The following DZIP1 variants were observed in gnomAD, a reference collection of about 807,000 sequenced individuals.
The protein encoded by DZIP1 is DAZ interacting zinc finger protein 1.
DZIP1 carries 97 observed loss-of-function variants against 107.6 expected under a neutral mutation model. That is an observed-to-expected ratio of 0.90 (90% CI 0.77 to 1.07). The LOEUF (loss-of-function observed/expected upper bound fraction) is 1.07. Ranked by LOEUF, DZIP1 falls within the 50% of genes least tolerant of loss-of-function variation. The probability of loss-of-function intolerance (pLI) is 0.00; values close to 1 mark genes in which losing one functional copy is unlikely to be tolerated. For synonymous variants in DZIP1, 390 were observed against 386.4 expected (o/e 1.01, Z -0.11); for missense variants, 1,035 against 1,063.6 (o/e 0.97, Z 0.37).
intron 14 of DZIP1, among the ~76,000 whole-genome samples, chr13:95,604,170 C>A (rs2044704780): frequency 6.6e-6 from 1 of 152,360 alleles, no homozygotes; most frequent in South Asian, 2.1e-4. Flanking sequence ...CACCTCCCAC[C>A]TGTAAACTTC....
At chr13:95,639,643 CT>C (rs1431681436) in intron 5 of DZIP1, among the ~76,000 whole-genome samples, 2 of 147,272 alleles carry the variant, frequency 1.4e-5, no homozygotes, top group Admixed American at 1.4e-4. Flanking sequence ...AGAAAATCTT[CT>C]CTTATAACAG....
At chr13:95,608,850 C>T (rs957372476) in intron 13 of DZIP1, among the ~76,000 whole-genome samples, 2 of 152,238 alleles carry the variant, frequency 1.3e-5, no homozygotes, top group African/African-American at 4.8e-5. Context: ...AGCCCATACT[C>T]CTCTCACAGT....
chr13:95,622,387 A>T lies in DZIP1; in HGVS notation c.1066T>A (p.Tyr356Asn). The part of the protein sequence containing the change: ...AHEFKEDRSP[Y>N]PQDFHNVMQL... ...ATGACATTATGGAAATCCTGGGGATATGGAGAACGGTCTTCTTTAAACTCG... is the reference window on the plus strand; with the variant it reads ...ATGACATTATGGAAATCCTGGGGATTTGGAGAACGGTCTTCTTTAAACTCG... The change falls in exon 9 of 23, where the codon TAT (tyrosine) becomes AAT (asparagine). Residue 356 changes from tyrosine (Y) to asparagine (N), a missense_variant. Transcript: ENST00000376829. 1 of 1,614,216 alleles carries T rather than the reference A, an allele frequency of 6.2e-7. No individual in the cohort carries two copies. The highest frequency in any genetic ancestry group is 8.5e-7 in the Non-Finnish European group (1 of 1,180,032).
chr13:95,588,300 A>G (rs1235302924), intron 19 of DZIP1, among the ~76,000 whole-genome samples: 1 of 152,242 alleles, frequency 6.6e-6, no homozygotes, highest in Non-Finnish European at 1.5e-5. Flanking sequence ...ATCCCAAGAA[A>G]TAATGCTCTT....
intron 7 of DZIP1, among the ~76,000 whole-genome samples, chr13:95,627,107 G>A (rs1876632761): frequency 6.6e-6 from 1 of 152,150 alleles, no homozygotes; most frequent in South Asian, 2.1e-4. Flanking sequence ...CTATTTCAAA[G>A]CCTACTACAA....
intron 17 of DZIP1, 80 bp from the exon 18 acceptor site, chr13:95,590,012 C>A: frequency 6.7e-7 from 1 of 1,493,030 alleles, no homozygotes; most frequent in South Asian, 1.3e-5. Context: ...GTATAATACC[C>A]CCTATGCTGC....
intron 15 of DZIP1, among the ~76,000 whole-genome samples, chr13:95,594,806 TAAAAACAAAGAAACC>T (rs1238257552): frequency 6.6e-6 from 1 of 151,900 alleles, no homozygotes; most frequent in African/African-American, 2.4e-5. Flanking sequence ...AACCTATAAT[TAAAAACAAAGAAACC>T]AAAAACAATA....
chr13:95,640,075 C>T (rs1878315712), intron 5 of DZIP1, among the ~76,000 whole-genome samples: 1 of 151,738 alleles, frequency 6.6e-6, no homozygotes, highest in East Asian at 1.9e-4. Flanking sequence ...TCACTGCAAC[C>T]TCCGCCTCCT....
rs117058187 is a variant in DZIP1, at chr13:95,625,898, C to T, written c.811-969G>A. ...AACAGTTTGGGAGGCCACGGTGGAA[C>T]GATCACTTGATCTCAGGAGTTTGAG... On this transcript the variant is annotated intron_variant, in intron 7 of 22. Transcript: ENST00000376829. Among the ~76,000 whole-genome samples, 980 of 151,358 alleles carry T rather than the reference C, an allele frequency of 6.5e-3. 5 individuals are homozygous for T. Among genetic ancestry groups the T allele is most frequent in the Non-Finnish European group, 0.011 (762 of 67,854 alleles).
At chr13:95,618,397 T>G (rs1875412709) in intron 10 of DZIP1, among the ~76,000 whole-genome samples, 2 of 152,158 alleles carry the variant, frequency 1.3e-5, no homozygotes. Flanking sequence ...GTGTATTGGG[T>G]GTATGTCTGT....
chr13:95,589,808 A>G lies in DZIP1; in HGVS notation c.1968T>C (p.Val656=). 1.2e-6 allele frequency: 2 copies of G among 1,613,426 alleles called. No homozygotes were observed. The change falls in exon 18 of 23, where the codon GTT becomes GTC. Residue 656 remains valine, a synonymous_variant. Coordinates refer to ENST00000376829, the MANE Select transcript of DZIP1 (RefSeq NM_198968.4). The stretch of plus-strand genomic sequence containing the variant: ...CTGAGGGCTGAAATACTCACTTTGG[A>G]ACAGATGTCCTATCAGTAGAAACAG... ...QKAVSTDRTS[V]PKIKKNVMED... is the part of the protein sequence containing the mutation.
intron 22 of DZIP1, among the ~76,000 whole-genome samples, chr13:95,583,222 T>A (rs1384307550): frequency 1.3e-5 from 2 of 150,226 alleles, no homozygotes; most frequent in African/African-American, 4.9e-5. Flanking sequence ...AGCCCAGGAG[T>A]TTGACACCAG....
rs1156494410 is a variant in DZIP1 at position 95,639,396 on chromosome 13, G to C, written c.597+1899C>G. Among the ~76,000 whole-genome samples the C allele has an allele frequency of 9.9e-5, 15 of 152,046 alleles. No individual in the cohort carries two copies. The South Asian group carries it at 1.5e-3, about 15-fold the overall frequency. On this transcript the variant is annotated intron_variant, in intron 5 of 22. Coordinates refer to ENST00000376829, the MANE Select transcript of DZIP1 (RefSeq NM_198968.4). ...ACTTGAGGTCAGGAGTTTGAGACCA[G>C]CCTGGCCAACACGGTGAAACCTCGT...
At chr13:95,632,707 A>G (rs1877335911) in intron 6 of DZIP1, among the ~76,000 whole-genome samples, 1 of 152,112 alleles carries the variant, frequency 6.6e-6, no homozygotes, top group Non-Finnish European at 1.5e-5. Context: ...GCTTCCTGTG[A>G]TCAGGCCCCC....
intron 13 of DZIP1, among the ~76,000 whole-genome samples, 176 bp from the exon 14 acceptor site, chr13:95,606,235 C>G (rs1409950598): frequency 1.3e-5 from 2 of 152,194 alleles, no homozygotes; most frequent in East Asian, 1.9e-4. Flanking sequence ...TTCATAACAG[C>G]TTTATGGAGA....
At chr13:95,593,605 C>T (rs985513427) in intron 16 of DZIP1, among the ~76,000 whole-genome samples, 1 of 152,204 alleles carries the variant, frequency 6.6e-6, no homozygotes, top group Non-Finnish European at 1.5e-5. Context: ...GTAAGCAGCA[C>T]TGTGACTGCC....
chr13:95,591,163 G>A (rs1241272556), intron 16 of DZIP1, among the ~76,000 whole-genome samples: 1 of 151,702 alleles, frequency 6.6e-6, no homozygotes, highest in Non-Finnish European at 1.5e-5. Context: ...CGAGTAGCTG[G>A]GATTACAGGC....
In DZIP1 at chr13:95,587,569, C is replaced by A; in HGVS notation, c.2188G>T (p.Glu730Ter). Residue 730 changes from glutamate to a stop codon, truncating the protein, a stop_gained, in exon 20 of 23, where the codon GAG (glutamate) becomes TAG (stop). Transcript: ENST00000376829. LOFTEE classifies it high-confidence loss of function. ...GGCTTGGGAGAATCATCAGTGTCCT[C>A]GATTTCGCTTCCCTCGGTCCCGTCC... ...DADGTEGSEI[E>*]DTDDSPKPAG... 1.2e-6 allele frequency: 2 copies of A among 1,614,044 alleles called. No individual in the cohort carries two copies. Among genetic ancestry groups the A allele is most frequent in the Non-Finnish European group, 1.7e-6 (2 of 1,179,992 alleles).
intron 5 of DZIP1, among the ~76,000 whole-genome samples, chr13:95,634,703 T>C (rs1390551235): frequency 1.3e-5 from 2 of 152,240 alleles, no homozygotes; most frequent in South Asian, 2.1e-4. Context: ...TTTCAGAATG[T>C]ATCTCTAAAA....
Sources: gnomAD v4.1 joint callset for allele counts (sites outside exome capture counted in the v4.1 genomes callset) on GRCh38, gnomAD v4.1.1 for gene constraint, MANE v1.5 for transcripts, NCBI Gene and HGNC (gene_info 2026-07-23, HGNC 2026-07-21) for gene names.